Variants in TCF7L2 observed in about 807,000 individuals in gnomAD.
The protein encoded by TCF7L2 is transcription factor 7-like 2.
In TCF7L2, 23 loss-of-function variants were observed where a neutral mutation model predicts 77.9. That is an observed-to-expected ratio of 0.30 (90% CI 0.21 to 0.42). The LOEUF is 0.42. Ranked by LOEUF, TCF7L2 falls within the 10% of genes least tolerant of loss-of-function variation. The probability of loss-of-function intolerance (pLI) is 1.00; values close to 1 mark genes in which losing one functional copy is unlikely to be tolerated. For missense variants in TCF7L2, 654 were observed against 793.1 expected, an observed-to-expected ratio of 0.82 and a Z score of 2.11; for synonymous variants, 413 against 340.2, an observed-to-expected ratio of 1.21 and a Z score of -2.36.
chr10:112,986,215 G>C (rs961390272), intron 4 of TCF7L2, among the ~76,000 whole-genome samples: 15 of 152,060 alleles, frequency 9.9e-5, no homozygotes, highest in Non-Finnish European at 2.1e-4. Context: ...AATGTCTTGG[G>C]TTGGTTTTGA....
At chr10:113,035,258 C>G (rs866364522) in intron 4 of TCF7L2, among the ~76,000 whole-genome samples, 8 of 152,160 alleles carry the variant, frequency 5.3e-5, no homozygotes, top group Non-Finnish European at 1.2e-4. Context: ...ACCGGACATG[C>G]TTTTCTGCAT....
chr10:113,094,229 A>AT (rs1355478966), intron 5 of TCF7L2, among the ~76,000 whole-genome samples: 1 of 152,248 alleles, frequency 6.6e-6, no homozygotes. Flanking sequence ...GGAGTTAGCC[A>AT]TTTTGGTGAG....
At chr10:113,147,156 G>A (rs1368510739) in intron 8 of TCF7L2, among the ~76,000 whole-genome samples, 3 of 152,154 alleles carry the variant, frequency 2.0e-5, no homozygotes, top group Admixed American at 6.5e-5. Flanking sequence ...ATCGGTGGAG[G>A]TTTAGACTTT....
intron 5 of TCF7L2, among the ~76,000 whole-genome samples, chr10:113,067,831 T>G (rs1262325183): frequency 6.6e-6 from 1 of 152,172 alleles, no homozygotes; most frequent in Non-Finnish European, 1.5e-5. Flanking sequence ...CTCGGACACT[T>G]AGAGGTTTAG....
intron 4 of TCF7L2, among the ~76,000 whole-genome samples, chr10:112,994,545 T>A (rs1442527095): frequency 2.0e-5 from 3 of 152,234 alleles, no homozygotes; most frequent in Non-Finnish European, 4.4e-5. Context: ...TTTTCATTTC[T>A]CCTGGGTATA....
chr10:113,063,211 A>G (rs888644449), intron 5 of TCF7L2, among the ~76,000 whole-genome samples: 2 of 152,264 alleles, frequency 1.3e-5, no homozygotes, highest in East Asian at 1.9e-4. Context: ...CGATGCCTAC[A>G]TATGTCTTAT....
intron 5 of TCF7L2, among the ~76,000 whole-genome samples, chr10:113,045,682 A>T (rs2053317449): frequency 6.6e-6 from 1 of 152,118 alleles, no homozygotes; most frequent in South Asian, 2.1e-4. Context: ...CGGGCAGGAC[A>T]TTTGGGGGAT....
chr10:113,078,958 G>A (rs943682236), intron 5 of TCF7L2, among the ~76,000 whole-genome samples: 1 of 151,686 alleles, frequency 6.6e-6, no homozygotes, highest in African/African-American at 2.4e-5. Flanking sequence ...TCAGCCTCCC[G>A]AGTAGCTGGG....
At chr10:113,123,307 G>T (rs1251108613) in intron 5 of TCF7L2, among the ~76,000 whole-genome samples, 1 of 152,242 alleles carries the variant, frequency 6.6e-6, no homozygotes, top group Non-Finnish European at 1.5e-5. Context: ...TATATCCATG[G>T]CCCTGAAAAG....
intron 5 of TCF7L2, among the ~76,000 whole-genome samples, chr10:113,088,137 CT>C (rs199917515): frequency 2.0e-5 from 3 of 151,596 alleles, no homozygotes; most frequent in Admixed American, 6.6e-5. Flanking sequence ...ATAGCTATTT[CT>C]TTTTTTTTAA....
chr10:113,147,337 T>C (rs955835823), intron 8 of TCF7L2, among the ~76,000 whole-genome samples: 2 of 152,220 alleles, frequency 1.3e-5, no homozygotes, highest in Non-Finnish European at 2.9e-5. Flanking sequence ...CTGCTTTTCC[T>C]ACTTACAAAA....
At chr10:112,990,509 C>A (rs1209955108) in intron 4 of TCF7L2, among the ~76,000 whole-genome samples, 2 of 151,776 alleles carry the variant, frequency 1.3e-5, no homozygotes, top group East Asian at 3.9e-4. Context: ...AAATTCGAGA[C>A]CAGCCTAGAC....
intron 4 of TCF7L2, among the ~76,000 whole-genome samples, chr10:112,980,869 G>T (rs60459228): frequency 0.11 from 17,039 of 151,904 alleles, 1,374 homozygotes; most frequent in African/African-American, 0.23. Flanking sequence ...CTCGTGATCC[G>T]CCCGCCTCAG....
intron 4 of TCF7L2, among the ~76,000 whole-genome samples, chr10:113,004,031 C>T (rs144582580): frequency 1.3e-5 from 2 of 152,204 alleles, no homozygotes; most frequent in Non-Finnish European, 2.9e-5. Flanking sequence ...GTGTCACAGA[C>T]TGAAGAAACA....
rs148878708 is a variant in TCF7L2, at chr10:112,997,480, G to T, written c.450+32856G>T. Among the ~76,000 whole-genome samples, 187 of 152,346 alleles carry T rather than the reference G, an allele frequency of 1.2e-3. 1 individual carries two copies. Among genetic ancestry groups the T allele is most frequent in the Non-Finnish European group, 2.3e-3 (155 of 68,030 alleles). On this transcript the variant is annotated intron_variant, in intron 4 of 13. Transcript: ENST00000627217. ...CCTGTGAGATAGTGAAACAATGGTA[G>T]TGCCATCCAATGATAGGCACTTTTC... is the stretch of plus-strand genomic sequence containing the variant.
At chr10:112,964,301 T>G (rs1322665192) in intron 3 of TCF7L2, among the ~76,000 whole-genome samples, 1 of 152,146 alleles carries the variant, frequency 6.6e-6, no homozygotes, top group South Asian at 2.1e-4. Context: ...TTCTCACTCG[T>G]GGCCCCCATC....
intron 4 of TCF7L2, among the ~76,000 whole-genome samples, chr10:113,004,677 T>A (rs147423227): frequency 6.6e-4 from 101 of 152,258 alleles, no homozygotes; most frequent in Non-Finnish European, 1.1e-3. Flanking sequence ...ATTTCTTTTT[T>A]ATTTTTTTTT....
chr10:112,979,511 C>A (rs967992918), intron 4 of TCF7L2, among the ~76,000 whole-genome samples: 1 of 152,174 alleles, frequency 6.6e-6, no homozygotes, highest in Non-Finnish European at 1.5e-5. Flanking sequence ...AATTCCAGCA[C>A]TTTGGGAAGC....
chr10:113,095,628 G>A (rs574504579), intron 5 of TCF7L2, among the ~76,000 whole-genome samples: 12 of 152,264 alleles, frequency 7.9e-5, no homozygotes, highest in African/African-American at 2.9e-4. Context: ...GAAAACAGAC[G>A]CGGAGAAGCC....
Sources: allele counts gnomAD v4.1 joint callset (sites outside exome capture counted in the v4.1 genomes callset), GRCh38; gene constraint gnomAD v4.1.1; transcripts MANE v1.5; gene names NCBI Gene and HGNC (gene_info 2026-07-23, HGNC 2026-07-21).